Variants in ARHGEF38 observed in about 807,000 individuals in gnomAD.
ARHGEF38 encodes Rho guanine nucleotide exchange factor (GEF) 38.
In ARHGEF38, 79 loss-of-function variants were observed where a neutral mutation model predicts 79.9. The observed-to-expected ratio is 0.99, with a 90% CI of 0.82 to 1.19. The LOEUF (loss-of-function observed/expected upper bound fraction) is 1.19, where lower values mean the gene tolerates loss of function less well. Among genes scored for constraint, ARHGEF38 ranks in the 50% most tolerant of loss-of-function variants. ARHGEF38 has a pLI of 0.00. For synonymous variants in ARHGEF38, 366 were observed against 328.3 expected (o/e 1.11, Z -1.24); for missense variants, 962 against 907.2 (o/e 1.06, Z -0.78).
At chr4:105,659,026 G>T in intron 9 of ARHGEF38, 28 bp from the exon 10 acceptor site, 1 of 1,511,932 alleles carries the variant, frequency 6.6e-7, no homozygotes, top group African/African-American at 1.4e-5. Context: ...TCCTCTCTCT[G>T]AAATGGGCTC....
At position 105,620,527 on chromosome 4, in the gene ARHGEF38, A is replaced by T. The variant is rs181019663; in HGVS notation, c.508+7020A>T. Among the ~76,000 whole-genome samples, 12 of 152,322 alleles carry T rather than the reference A, an allele frequency of 7.9e-5. No homozygotes were observed. In the East Asian group the frequency reaches 2.1e-3, roughly 27 times the overall value. On this transcript the variant is annotated intron_variant, in intron 3 of 13. Coordinates refer to ENST00000420470, the MANE Select transcript of ARHGEF38 (RefSeq NM_001242729.2). ...GAATATTAGATTTACTCATCTATTTAAAATGCCTGATTTTTTCTGTATGTA... is the reference window on the plus strand; with the variant it reads ...GAATATTAGATTTACTCATCTATTTTAAATGCCTGATTTTTTCTGTATGTA...
At chr4:105,565,485 T>C (rs1322282463) in intron 1 of ARHGEF38, among the ~76,000 whole-genome samples, 1 of 152,158 alleles carries the variant, frequency 6.6e-6, no homozygotes, top group East Asian at 1.9e-4. Context: ...ATTGGCAGCA[T>C]GGAGAGGGAT....
intron 10 of ARHGEF38, among the ~76,000 whole-genome samples, chr4:105,661,036 A>T (rs1730542858): frequency 6.6e-6 from 1 of 152,162 alleles, no homozygotes; most frequent in Non-Finnish European, 1.5e-5. Flanking sequence ...TTCTGCCTGT[A>T]CAGATTTTCC....
At chr4:105,636,480 C>A (rs1729402915) in intron 5 of ARHGEF38, 60 bp downstream of exon 5, 2 of 294,600 alleles carry the variant, frequency 6.8e-6, no homozygotes, top group Non-Finnish European at 1.1e-5. Context: ...ATGCAGCTGA[C>A]TGTTCCTGTC....
chr4:105,667,205 C>T lies in ARHGEF38; in HGVS notation c.1766C>T (p.Ala589Val). 1 of 1,536,174 alleles carries T rather than the reference C, an allele frequency of 6.5e-7. No individual in the cohort carries two copies. The highest frequency in any genetic ancestry group is 8.7e-7 in the Non-Finnish European group (1 of 1,146,920). Residue 589 changes from alanine (A) to valine (V), a missense_variant, in exon 12 of 14, where the codon GCT becomes GTT. Ala to Val is a moderately conservative substitution (Grantham distance 64). Transcript: ENST00000420470. ...TATAGTGCAGAGGAACTCTATCAAGCTAAGCGCAAGTGCAATGCTACACAA... is the reference window on the plus strand; with the variant it reads ...TATAGTGCAGAGGAACTCTATCAAGTTAAGCGCAAGTGCAATGCTACACAA... ...STYSAEELYQ[A>V]KRKCNATQEY...
intron 9 of ARHGEF38, among the ~76,000 whole-genome samples, chr4:105,657,889 A>C (rs867112552): frequency 6.6e-6 from 1 of 152,198 alleles, no homozygotes; most frequent in South Asian, 2.1e-4. Context: ...TCAGATACTG[A>C]TTCCCTAGGA....
intron 1 of ARHGEF38, among the ~76,000 whole-genome samples, chr4:105,583,511 T>G (rs1352026797): frequency 6.6e-6 from 1 of 152,338 alleles, no homozygotes; most frequent in East Asian, 1.9e-4. Flanking sequence ...GATATCTGCA[T>G]GACTCTCTCA....
chr4:105,669,203 G>GT (rs1296850449), intron 13 of ARHGEF38, among the ~76,000 whole-genome samples: 1 of 151,828 alleles, frequency 6.6e-6, no homozygotes, highest in East Asian at 1.9e-4. Context: ...GGTATATAGG[G>GT]TTTTTTTCCA....
At chr4:105,657,687 C>A (rs556442427) in intron 9 of ARHGEF38, among the ~76,000 whole-genome samples, 2 of 152,100 alleles carry the variant, frequency 1.3e-5, no homozygotes, top group African/African-American at 4.8e-5. Context: ...TAAATAGATT[C>A]TTTGTTTATC....
intron 2 of ARHGEF38, among the ~76,000 whole-genome samples, chr4:105,591,256 T>C (rs2110460730): frequency 6.6e-6 from 1 of 152,218 alleles, no homozygotes; most frequent in South Asian, 2.1e-4. Context: ...TGTGACAGAG[T>C]CTCGCTCTGT....
intron 10 of ARHGEF38, among the ~76,000 whole-genome samples, chr4:105,665,302 G>A (rs2110574131): frequency 6.6e-6 from 1 of 152,064 alleles, no homozygotes; most frequent in South Asian, 2.1e-4. Flanking sequence ...ACACCATCCT[G>A]GCCAACATGG....
chr4:105,603,430 C>A (rs534981280), intron 2 of ARHGEF38, among the ~76,000 whole-genome samples: 2 of 152,188 alleles, frequency 1.3e-5, no homozygotes, highest in Admixed American at 6.5e-5. Context: ...TGAACTGGTA[C>A]CATCATAGAC....
chr4:105,639,635 C>T (rs902095430), intron 5 of ARHGEF38, among the ~76,000 whole-genome samples: 1 of 151,958 alleles, frequency 6.6e-6, no homozygotes, highest in African/African-American at 2.4e-5. Flanking sequence ...GAATAATTCA[C>T]TTTTTCCCAC....
At position 105,655,759 on chromosome 4, in the gene ARHGEF38, A is replaced by G. The variant is rs1248066606; in HGVS notation, c.1233+37A>G. On this transcript the variant is annotated intron_variant, in intron 9 of 13. Transcript: ENST00000420470. ...ATATTCACAGATAAATGCAAATTAA[A>G]TAGTGAGGTTGAAAGGAAAGCTGCT... The G allele has an allele frequency of 2.0e-6, 3 of 1,521,824 alleles. No homozygotes were observed. In the African/African-American group the frequency reaches 4.1e-5, roughly 21 times the overall value. 94.3% of individuals were successfully genotyped at this position (1,521,824 alleles called of 1,614,324 possible).
At position 105,553,442 on chromosome 4, in the gene ARHGEF38, A is replaced by T. The variant is rs542181791; in HGVS notation, c.196+481A>T. On this transcript the variant is annotated intron_variant, in intron 1 of 13. Transcript: ENST00000420470. Reference sequence around the variant, plus strand: ...TGAAACTATAATCGTGTCTGTGACAAAGAAGGAATGTTATAGTCAGAGAGA... The same window carrying T: ...TGAAACTATAATCGTGTCTGTGACATAGAAGGAATGTTATAGTCAGAGAGA... Among the ~76,000 whole-genome samples, 33 of 152,332 alleles carry T rather than the reference A, an allele frequency of 2.2e-4. No homozygotes were observed. In the East Asian group the frequency reaches 6.4e-3, roughly 29 times the overall value.
chr4:105,555,459 G>C (rs540788105), intron 1 of ARHGEF38, among the ~76,000 whole-genome samples: 1 of 152,042 alleles, frequency 6.6e-6, no homozygotes, highest in Non-Finnish European at 1.5e-5. Context: ...TGGCCTGTAC[G>C]ATACCCATTA....
intron 1 of ARHGEF38, among the ~76,000 whole-genome samples, chr4:105,585,287 T>G (rs1726980468): frequency 6.6e-6 from 1 of 152,236 alleles, no homozygotes; most frequent in Non-Finnish European, 1.5e-5. Context: ...ATGGTTTTCA[T>G]GCATAGTTTA....
chr4:105,592,804 A>C lies in ARHGEF38; in HGVS notation c.384+3369A>C, dbSNP rs183045149. Among the ~76,000 whole-genome samples, 154 of 152,116 alleles carry C rather than the reference A, an allele frequency of 1.0e-3. 2 individuals carry two copies. Among genetic ancestry groups the C allele is most frequent in the Admixed American group, 5.1e-3 (78 of 15,282 alleles). On this transcript the variant is annotated intron_variant, in intron 2 of 13. Transcript: ENST00000420470. Reference sequence around the variant, plus strand: ...AAACTAGAAACAATAAGATGTGCACACTCCCAACACCAAATCTACCAACTT... The same window carrying C: ...AAACTAGAAACAATAAGATGTGCACCCTCCCAACACCAAATCTACCAACTT...
chr4:105,678,310 T>A lies in ARHGEF38; in HGVS notation c.*373T>A, dbSNP rs1731189355. 6.0e-6 allele frequency: 1 copy of A among 165,526 alleles called. No individual in the cohort carries two copies. Among genetic ancestry groups the A allele is most frequent in the Non-Finnish European group, 1.3e-5 (1 of 76,040 alleles). The allele number at this position is 165,526 out of a possible 1,614,324, so 10.3% of individuals were successfully genotyped here. A position where few individuals can be genotyped will look rare whatever the true frequency, so the allele number is the denominator to read the frequency against. On this transcript the variant is annotated 3_prime_UTR_variant, in exon 14 of 14. Coordinates refer to ENST00000420470, the MANE Select transcript of ARHGEF38 (RefSeq NM_001242729.2). ...TGTATGATGTATTTTGCCTTAAATG[T>A]TTTTGTTTTTCATATTGCTCTCTTG...
Sources: allele counts gnomAD v4.1 joint callset (sites outside exome capture counted in the v4.1 genomes callset), GRCh38; gene constraint gnomAD v4.1.1; transcripts MANE v1.5; gene names NCBI Gene and HGNC (gene_info 2026-07-23, HGNC 2026-07-21).